The following UFD1 variants were observed in gnomAD, a reference collection of about 807,000 sequenced individuals.
UFD1 encodes the protein ubiquitin recognition factor in ER associated degradation 1, also known as ubiquitin recognition factor in ER-associated degradation protein 1.
Under a neutral mutation model 45.9 loss-of-function variants are expected in UFD1, and 13 were observed. The ratio of observed to expected loss-of-function variants is 0.28; its 90% CI spans 0.18 to 0.45. The LOEUF is 0.45. Ranked by LOEUF, UFD1 falls within the 20% of genes least tolerant of loss-of-function variation. The pLI, the probability that UFD1 is intolerant of heterozygous loss-of-function variation, is 1.00. For missense variants in UFD1, 218 were observed against 389.2 expected (o/e 0.56, Z 3.70); for synonymous variants, 128 against 139.2 (o/e 0.92, Z 0.56).
At chr22:19,471,153 C>T (rs759795664) in intron 4 of UFD1, 2 of 480,944 alleles carry the variant, frequency 4.2e-6, no homozygotes, top group Non-Finnish European at 8.3e-6. Context: ...GTGGCTCACA[C>T]GCCCTGGATA....
At chr22:19,479,000 T>TGCC in intron 1 of UFD1, 83 bp downstream of exon 1, 10 of 1,478,056 alleles carry the variant, frequency 6.8e-6, no homozygotes, top group Non-Finnish European at 7.3e-6. Context: ...TCCGCCGCCG[T>TGCC]CCCGCCCCGC....
At chr22:19,464,816 T>C (rs1409883079) in intron 6 of UFD1, among the ~76,000 whole-genome samples, 1 of 152,244 alleles carries the variant, frequency 6.6e-6, no homozygotes, top group East Asian at 1.9e-4. Context: ...TGTCAGCTTC[T>C]GTGGGGCAGG....
intron 6 of UFD1, among the ~76,000 whole-genome samples, chr22:19,464,858 T>G (rs1247343474): frequency 6.6e-6 from 1 of 152,242 alleles, no homozygotes; most frequent in Non-Finnish European, 1.5e-5. Flanking sequence ...GCAGGGTTGT[T>G]ATTGTGTCTC....
intron 4 of UFD1, 132 bp from the exon 5 acceptor site, chr22:19,468,135 C>T (rs954004931): frequency 2.1e-5 from 26 of 1,244,492 alleles, no homozygotes; most frequent in East Asian, 2.0e-4. Flanking sequence ...ATAAGTAATT[C>T]GTGATACTAT....
intron 11 of UFD1, chr22:19,451,145 CTG>C: frequency 6.6e-6 from 6 of 909,138 alleles, no homozygotes; most frequent in Non-Finnish European, 7.8e-6. Context: ...AAAAAAAAGT[CTG>C]TAAGTTCATC....
chr22:19,454,620 G>A (rs763438844), intron 11 of UFD1, 129 bp downstream of exon 11: 11 of 1,545,342 alleles, frequency 7.1e-6, no homozygotes, highest in Admixed American at 3.9e-5. Flanking sequence ...CCAGTCTCGG[G>A]TACATCTTTA....
intron 4 of UFD1, chr22:19,470,147 G>T: frequency 2.2e-6 from 1 of 449,872 alleles, no homozygotes. Context: ...GCAAGGGGCT[G>T]AGCAGCAAAT....
At position 19,479,079 on chromosome 22, in the gene UFD1, T is replaced by C; in HGVS notation, c.3+4A>G. ...GCCCCCGCCCGCTGCCCGTCAGCGC[T>C]TACCATGATGGACACCACCTGGCAG... On this transcript the variant is annotated splice_donor_region_variant and intron_variant, in intron 1 of 11. Coordinates refer to ENST00000263202, the MANE Select transcript of UFD1 (RefSeq NM_005659.7). The C allele has an allele frequency of 6.2e-7, 1 of 1,605,366 alleles. No homozygotes were observed. The highest frequency in any genetic ancestry group is 8.5e-7 in the Non-Finnish European group (1 of 1,176,382).
intron 4 of UFD1, 74 bp from the exon 5 acceptor site, chr22:19,468,077 G>T: frequency 6.4e-7 from 1 of 1,561,982 alleles, no homozygotes; most frequent in Non-Finnish European, 8.7e-7. Flanking sequence ...CCTATACACT[G>T]GGCAGGCCCG....
At position 19,456,907 on chromosome 22, in the gene UFD1, A is replaced by G; in HGVS notation, c.576T>C (p.Asp192=). 6.3e-7 allele frequency: 1 copy of G among 1,595,918 alleles called. No individual in the cohort carries two copies. Among genetic ancestry groups the G allele is most frequent in the Non-Finnish European group, 8.6e-7 (1 of 1,168,172 alleles). ...CGGGTTCTTTGTAGCCCAGGGGAGC[A>G]TCAAAGTCCACCTGTGTTTCCAGGA... ...IIECDMNVDF[D]APLGYKEPER... Residue 192 remains aspartate (D), a synonymous_variant, in exon 8 of 12, where the codon GAT becomes GAC. Transcript: ENST00000263202.
intron 11 of UFD1, chr22:19,453,112 A>C: frequency 1.0e-6 from 1 of 985,406 alleles, no homozygotes; most frequent in Non-Finnish European, 1.2e-6. Flanking sequence ...GACCTACTGG[A>C]GTCGAGCCTC....
chr22:19,461,593 C>T lies in UFD1; in HGVS notation c.496-3454G>A, dbSNP rs139636739. Among the ~76,000 whole-genome samples, 1,169 of 152,294 alleles carry T rather than the reference C, an allele frequency of 7.7e-3. 14 individuals carry two copies. Among genetic ancestry groups the T allele is most frequent in the African/African-American group, 0.024 (1,009 of 41,564 alleles). The stretch of plus-strand genomic sequence containing the variant: ...TCAAGTGACAATGATCTGTAGTTTA[C>T]CTTTCTCCTATCCTTGTGTGGTTTT... On this transcript the variant is annotated intron_variant, in intron 6 of 11. Coordinates refer to ENST00000263202, the MANE Select transcript of UFD1 (RefSeq NM_005659.7).
At chr22:19,475,883 G>C (rs1013936049) in intron 1 of UFD1, among the ~76,000 whole-genome samples, 2 of 152,188 alleles carry the variant, frequency 1.3e-5, no homozygotes, top group African/African-American at 4.8e-5. Context: ...GCCTGGGCTA[G>C]TTCCTCTGCC....
intron 4 of UFD1, chr22:19,471,172 C>T (rs750323624): frequency 1.4e-4 from 70 of 495,734 alleles, no homozygotes; most frequent in Non-Finnish European, 2.7e-4. Context: ...TATCCCAGCC[C>T]AGATCTGCAA....
chr22:19,463,114 G>T (rs754012614), intron 6 of UFD1, among the ~76,000 whole-genome samples: 3 of 152,188 alleles, frequency 2.0e-5, no homozygotes, highest in African/African-American at 7.2e-5. Flanking sequence ...TTCCTGTCAT[G>T]ATGGGCTGAC....
In UFD1 at chr22:19,471,404, C is replaced by G. The variant is rs188299863; in HGVS notation, c.291+283G>C. The G allele has an allele frequency of 4.7e-5, 32 of 684,368 alleles. No individual in the cohort carries two copies. In the African/African-American group the frequency reaches 5.0e-4, roughly 11 times the overall value. The allele number at this position is 684,368 out of a possible 1,614,324, so 42.4% of individuals were successfully genotyped here. On this transcript the variant is annotated intron_variant, in intron 4 of 11. Coordinates refer to ENST00000263202, the MANE Select transcript of UFD1 (RefSeq NM_005659.7). ...ACTGTTGCTCCATTATTTTTAAAAACGCCTCACCCAGGAAATCACAGATGA... is the reference window on the plus strand; with the variant it reads ...ACTGTTGCTCCATTATTTTTAAAAAGGCCTCACCCAGGAAATCACAGATGA...
At chr22:19,452,834 C>T (rs1166708608) in intron 11 of UFD1, 1 of 159,614 alleles carries the variant, frequency 6.3e-6, no homozygotes, top group Admixed American at 6.6e-5. Flanking sequence ...TGATGATGTC[C>T]TTAATGCATG....
At chr22:19,470,732 G>A (rs1331330028) in intron 4 of UFD1, 3 of 455,566 alleles carry the variant, frequency 6.6e-6, no homozygotes, top group Admixed American at 4.7e-5. Context: ...GTGAGCCACC[G>A]TACCTGGCCA....
intron 11 of UFD1, chr22:19,451,855 C>A: frequency 1.0e-6 from 1 of 985,488 alleles, no homozygotes; most frequent in South Asian, 4.7e-5. Context: ...ACCTGTGTCT[C>A]CTGGGCCTTC....
Sources: gnomAD v4.1 joint callset for allele counts (sites outside exome capture counted in the v4.1 genomes callset) on GRCh38, gnomAD v4.1.1 for gene constraint, MANE v1.5 for transcripts, NCBI Gene and HGNC (gene_info 2026-07-23, HGNC 2026-07-21) for gene names.